MBD1: variants seen among roughly 807,000 people sequenced by gnomAD.
MBD1 encodes the protein methyl-CpG binding domain protein 1, also known as methyl-CpG-binding domain protein 1.
In MBD1, 25 loss-of-function variants were observed where a neutral mutation model predicts 82.6. That is an observed-to-expected ratio of 0.30 (90% confidence interval 0.22 to 0.42). MBD1 has a LOEUF of 0.42. MBD1 is among the 10% of genes least tolerant of loss of function. The pLI is 1.00. For synonymous variants in MBD1, 301 were observed against 303.7 expected (o/e 0.99, Z 0.09); for missense variants, 627 against 819.6 (o/e 0.76, Z 2.87).
chr18:50,270,464 T>A (rs1043208531), intron 16 of MBD1: 4 of 393,214 alleles, frequency 1.0e-5, no homozygotes, highest in South Asian at 7.6e-5. Flanking sequence ...ACATTCAGGC[T>A]GAGGGCAGGA....
At position 50,273,680 on chromosome 18, in the gene MBD1, C is replaced by T. The variant is rs1265712725; in HGVS notation, c.1330G>A (p.Gly444Ser). Residue 444 changes from glycine (G) to serine (S), a missense_variant, in exon 12 of 17, where the codon GGT (glycine) becomes AGT (serine). Physicochemically the swap from Gly to Ser is moderately conservative, Grantham distance 56 (BLOSUM62 0). Coordinates refer to ENST00000269468, the MANE Select transcript of MBD1 (RefSeq NM_015846.4). ...HTQAPTKQEAGGGFVLPPPGT... is the reference protein window; with the variant it reads ...HTQAPTKQEASGGFVLPPPGT... ...GGCGGGGGCAGCACAAAGCCACCAC[C>T]TGCTTCCTGCTTCGTTGGAGCCTGG... 1.9e-6 allele frequency: 3 copies of T among 1,614,122 alleles called. No individual in the cohort carries two copies. Among genetic ancestry groups the T allele is most frequent in the Admixed American group, 1.7e-5 (1 of 60,032 alleles).
At chr18:50,279,024 G>A (rs2039180157) in intron 2 of MBD1, among the ~76,000 whole-genome samples, 1 of 152,188 alleles carries the variant, frequency 6.6e-6, no homozygotes, top group Admixed American at 6.5e-5. Context: ...CACTTAACAG[G>A]TATTTTTAAA....
chr18:50,273,136 G>T, intron 13 of MBD1, 181 bp from the exon 14 acceptor site: 1 of 1,202,182 alleles, frequency 8.3e-7, no homozygotes, highest in Non-Finnish European at 1.2e-6. Flanking sequence ...CCGTTTTTCT[G>T]TTAGCTGGAT....
At position 50,281,459 on chromosome 18, in the gene MBD1, C is replaced by T; in HGVS notation, c.-122G>A. ...CTCCCGCCTCGCCCTCCTCCCCTTC[C>T]TCCTCCTCCGCGGCCGCCTCCTCTG... On this transcript the variant is annotated 5_prime_UTR_variant, in exon 1 of 17. Transcript: ENST00000269468. 1 of 587,784 alleles carries T rather than the reference C, an allele frequency of 1.7e-6. No homozygotes were observed. Among genetic ancestry groups the T allele is most frequent in the Non-Finnish European group, 3.0e-6 (1 of 329,656 alleles). 36.4% of individuals were successfully genotyped at this position (587,784 alleles called of 1,614,324 possible). A position where few individuals can be genotyped will look rare whatever the true frequency, so the allele number is the denominator to read the frequency against.
chr18:50,280,335 C>T (rs1053466095), intron 1 of MBD1, among the ~76,000 whole-genome samples: 1 of 151,802 alleles, frequency 6.6e-6, no homozygotes, highest in African/African-American at 2.4e-5. Context: ...ACTTTTCATC[C>T]TTCCCCCTCA....
chr18:50,271,572 A>C, intron 15 of MBD1, 32 bp from the exon 16 acceptor site: 1 of 1,614,012 alleles, frequency 6.2e-7, no homozygotes, highest in Non-Finnish European at 8.5e-7. Context: ...TGTATGTTGA[A>C]TGAGGTTTGC....
intron 2 of MBD1, 184 bp downstream of exon 2, chr18:50,279,699 G>T: frequency 2.7e-6 from 2 of 732,096 alleles, no homozygotes; most frequent in Non-Finnish European, 4.4e-6. Context: ...TGCACTGTGA[G>T]TAGTGACTTT....
At chr18:50,273,192 T>C in intron 13 of MBD1, 142 bp downstream of exon 13, 1 of 1,341,240 alleles carries the variant, frequency 7.5e-7, no homozygotes. Context: ...AGGGTGTCTG[T>C]TAGACAGGCG....
In MBD1 at chr18:50,270,238, C is replaced by G. The variant is rs200210108; in HGVS notation, c.*33-420G>C. 389 of 1,359,470 alleles carry G rather than the reference C, an allele frequency of 2.9e-4. 6 individuals are homozygous for G. In the South Asian group the frequency reaches 4.4e-3, roughly 15 times the overall value. 84.2% of individuals were successfully genotyped at this position (1,359,470 alleles called of 1,614,324 possible). A position where few individuals can be genotyped will look rare whatever the true frequency, so the allele number is the denominator to read the frequency against. Reference sequence around the variant, plus strand: ...TAATCCATGTCTGAATTACTTAAAGCTGCAGGGCTGGGACTAGGGTAAGGC... The same window carrying G: ...TAATCCATGTCTGAATTACTTAAAGGTGCAGGGCTGGGACTAGGGTAAGGC... On this transcript the variant is annotated intron_variant, in intron 16 of 16. Coordinates refer to ENST00000269468, the MANE Select transcript of MBD1 (RefSeq NM_015846.4).
At position 50,279,977 on chromosome 18, in the gene MBD1, G is replaced by C; in HGVS notation, c.16C>G (p.Leu6Val). The C allele has an allele frequency of 1.9e-6, 3 of 1,610,210 alleles. No homozygotes were observed. Among genetic ancestry groups the C allele is most frequent in the Non-Finnish European group, 2.5e-6 (3 of 1,179,876 alleles). Residue 6 changes from leucine (L) to valine (V), a missense_variant, in exon 2 of 17, where the codon CTG (leucine) becomes GTG (valine). Leu to Val is a conservative substitution (Grantham distance 32, BLOSUM62 1). This residue lies in a region of MBD1 where 42 missense variants were observed against 90.4 expected (regional missense o/e 0.46). Coordinates refer to ENST00000269468, the MANE Select transcript of MBD1 (RefSeq NM_015846.4). ...CCAGGGCCCAGGGCCGGGCAGTCCAGCCAGTCCTCAGCCATGGAGGCCACA... is the reference window on the plus strand; with the variant it reads ...CCAGGGCCCAGGGCCGGGCAGTCCACCCAGTCCTCAGCCATGGAGGCCACA... Reference protein sequence around the residue: MAEDWLDCPALGPGWK... With the variant: MAEDWVDCPALGPGWK...
rs1428858509 is a variant in MBD1, at chr18:50,276,856, G to T, written c.368C>A (p.Ala123Asp). The T allele has an allele frequency of 1.2e-6, 2 of 1,614,224 alleles. No homozygotes were observed. Among genetic ancestry groups the T allele is most frequent in the Non-Finnish European group, 8.5e-7 (1 of 1,180,050 alleles). Residue 123 changes from alanine to aspartate, a missense_variant, in exon 4 of 17, where the codon GCC (alanine) becomes GAC (aspartate). Transcript: ENST00000269468. ...RDETKADTDT[A>D]PASFPAPGCC... is the part of the protein sequence containing the mutation. ...CCCAGGAGCAGGGAATGAAGCTGGG[G>T]CTGTGTCAGTGTCAGCCTTGGTCTC...
intron 13 of MBD1, 110 bp downstream of exon 13, chr18:50,273,224 G>A (rs771153039): frequency 5.0e-5 from 73 of 1,466,194 alleles, no homozygotes; most frequent in Middle Eastern, 2.3e-4. Context: ...CAGAAACGTC[G>A]CAATCAGCAC....
rs550774207 is a variant in MBD1, at chr18:50,279,239, C to A, written c.110+644G>T. 2.0e-5 allele frequency among the ~76,000 whole-genome samples: 3 copies of A among 152,210 alleles called. No individual in the cohort carries two copies. In the South Asian group the frequency reaches 6.2e-4, roughly 32 times the overall value. On this transcript the variant is annotated intron_variant, in intron 2 of 16. Transcript: ENST00000269468. ...TATTGATCGTCATTTCATGAACCCA[C>A]CAATGTAGCTGCTTTCTCATCTCTT...
rs755926740 is a variant in MBD1 at position 50,276,652 on chromosome 18, G to C, written c.475+10C>G. The C allele has an allele frequency of 6.2e-7, 1 of 1,614,064 alleles. No homozygotes were observed. Among genetic ancestry groups the C allele is most frequent in the South Asian group, 1.1e-5 (1 of 91,086 alleles). ...ATCTCCCGATGCCCCATCCTCTGGA[G>C]GCCACTCACCTCGACAGTCTTTGCA... On this transcript the variant is annotated intron_variant, in intron 5 of 16. Coordinates refer to ENST00000269468, the MANE Select transcript of MBD1 (RefSeq NM_015846.4).
At chr18:50,272,604 A>C in intron 15 of MBD1, 73 bp downstream of exon 15, 6 of 1,549,236 alleles carry the variant, frequency 3.9e-6, no homozygotes, top group Non-Finnish European at 4.5e-6. Flanking sequence ...ACTGCCGGCT[A>C]TACTTTCAAA....
Position 50,271,495 on chromosome 18 carries a change from T to G in MBD1, c.*6A>C, listed in dbSNP as rs1027211225. ...TTGAATCCTACAGTCTGTAGAAGCC[T>G]CCAGTCTACTGCTTTCTAGCTCCAG... On this transcript the variant is annotated 3_prime_UTR_variant, in exon 16 of 17. Transcript: ENST00000269468. 1.2e-6 allele frequency: 2 copies of G among 1,614,024 alleles called. No homozygotes were observed. The highest frequency in any genetic ancestry group is 1.7e-6 in the Non-Finnish European group (2 of 1,180,002).
intron 8 of MBD1, 101 bp from the exon 9 acceptor site, chr18:50,275,346 CAG>C: frequency 1.2e-6 from 2 of 1,612,566 alleles, no homozygotes; most frequent in African/African-American, 2.7e-5. Flanking sequence ...GACAGGCAGA[CAG>C]AGGGTGGCGT....
Position 50,273,559 on chromosome 18 carries a change from C to G in MBD1, c.1446+5G>C. On this transcript the variant is annotated splice_donor_5th_base_variant and intron_variant, in intron 12 of 16. Coordinates refer to ENST00000269468, the MANE Select transcript of MBD1 (RefSeq NM_015846.4). Reference sequence around the variant, plus strand: ...TGGGAAGGCAGGACAGGGTGGGGCCCTCACCTGCAACAGGGCTTCTGTGGA... The same window carrying G: ...TGGGAAGGCAGGACAGGGTGGGGCCGTCACCTGCAACAGGGCTTCTGTGGA... 1 of 1,612,950 alleles carries G rather than the reference C, an allele frequency of 6.2e-7. No homozygotes were observed. The highest frequency in any genetic ancestry group is 8.5e-7 in the Non-Finnish European group (1 of 1,180,028).
chr18:50,275,026 G>A lies in MBD1; in HGVS notation c.929C>T (p.Pro310Leu), dbSNP rs1175709915. 8.1e-6 allele frequency: 13 copies of A among 1,614,078 alleles called. No homozygotes were observed. The highest frequency in any genetic ancestry group is 1.7e-5 in the Admixed American group (1 of 60,008). Residue 310 changes from proline (P) to leucine (L), a missense_variant, in exon 10 of 17, where the codon CCC becomes CTC. By Grantham distance (98) the Pro-to-Leu change is moderately conservative. This residue lies in a region of MBD1 where 228 missense variants were observed against 318.1 expected (regional missense o/e 0.72). Coordinates refer to ENST00000269468, the MANE Select transcript of MBD1 (RefSeq NM_015846.4). The part of the protein sequence containing the change: ...PTEPHPRALA[P>L]SPPAEFIYYC... ...ATAGATGAACTCGGCAGGTGGCGAG[G>A]GGGCCAGGGCTCTGGGGTGCTGTAG...
Sources: allele counts gnomAD v4.1 joint callset (sites outside exome capture counted in the v4.1 genomes callset), GRCh38; gene constraint gnomAD v4.1.1; regional missense constraint gnomAD v4.1.1; transcripts MANE v1.5; gene names NCBI Gene and HGNC (gene_info 2026-07-23, HGNC 2026-07-21).